Variants in DYNC2LI1 observed in about 807,000 individuals in gnomAD.
DYNC2LI1 encodes the protein cytoplasmic dynein 2 light intermediate chain 1.
DYNC2LI1 carries 45 observed loss-of-function variants against 51.9 expected under a neutral mutation model. That is an observed-to-expected ratio of 0.87 (90% confidence interval 0.68 to 1.11). DYNC2LI1 has a LOEUF of 1.11. DYNC2LI1 is among the 50% of genes most tolerant of loss of function. DYNC2LI1 has a pLI of 0.00. For missense variants in DYNC2LI1, 490 were observed against 417.4 expected, an observed-to-expected ratio of 1.17 and a Z score of -1.51; for synonymous variants, 130 against 137.8, an observed-to-expected ratio of 0.94 and a Z score of 0.40.
chr2:43,803,622 G>A (rs781037486), intron 10 of DYNC2LI1, among the ~76,000 whole-genome samples: 6 of 152,114 alleles, frequency 3.9e-5, no homozygotes, highest in Non-Finnish European at 7.3e-5. Flanking sequence ...TTGGTGTCTC[G>A]ACTGTGGTAG....
chr2:43,828,318 A>C, the DYNC2LI1 span: 8 of 700,120 alleles, frequency 1.1e-5, no homozygotes, highest in East Asian at 1.7e-4. Flanking sequence ...TGTCAGATTT[A>C]AATAAATAAT....
At chr2:43,781,150 T>C (rs891249150) in intron 2 of DYNC2LI1, among the ~76,000 whole-genome samples, 2 of 152,068 alleles carry the variant, frequency 1.3e-5, no homozygotes. Context: ...GAAGATCACT[T>C]GAGGCCAGGA....
At chr2:43,788,922 A>G (rs1409086631) in intron 4 of DYNC2LI1, among the ~76,000 whole-genome samples, 2 of 152,210 alleles carry the variant, frequency 1.3e-5, no homozygotes, top group African/African-American at 4.8e-5. Context: ...GGTGTGAACC[A>G]CTGCACCCAA....
intron 2 of DYNC2LI1, among the ~76,000 whole-genome samples, chr2:43,782,074 A>G (rs940026955): frequency 2.6e-5 from 4 of 151,262 alleles, no homozygotes; most frequent in Non-Finnish European, 4.4e-5. Flanking sequence ...TTAATTGAAA[A>G]CAGAGACATG....
chr2:43,818,271 C>A, the DYNC2LI1 span, among the ~76,000 whole-genome samples: 1 of 151,958 alleles, frequency 6.6e-6, no homozygotes, highest in Non-Finnish European at 1.5e-5. Flanking sequence ...TGGCGAAACC[C>A]CATCTCTACT....
At chr2:43,806,544 A>T (rs1397265151) in intron 12 of DYNC2LI1, among the ~76,000 whole-genome samples, 5 of 152,232 alleles carry the variant, frequency 3.3e-5, no homozygotes, top group Non-Finnish European at 7.3e-5. Context: ...AAATGACCTT[A>T]TGTAACCCTT....
At chr2:43,814,550 A>T (rs1295585629), downstream of DYNC2LI1, 1 of 1,608,452 alleles carries the variant, frequency 6.2e-7, no homozygotes, top group East Asian at 2.2e-5. Flanking sequence ...ATGTAAAATA[A>T]CTGATGATTT....
At chr2:43,775,853 A>ATT in intron 1 of DYNC2LI1, 2 of 96,138 alleles carry the variant, frequency 2.1e-5, no homozygotes, top group Non-Finnish European at 3.7e-5. Context: ...ACACCTGGCC[A>ATT]ATTTTTTTTT....
At chr2:43,820,201 G>T in the DYNC2LI1 span, 1 of 1,419,066 alleles carries the variant, frequency 7.0e-7, no homozygotes, top group South Asian at 1.2e-5. Context: ...TGAGTGGGTG[G>T]GAGAAGTTTG....
In DYNC2LI1 at chr2:43,790,218, A is replaced by G. The variant is rs1673712054; in HGVS notation, c.320+497A>G. On this transcript the variant is annotated intron_variant, in intron 5 of 12. Coordinates refer to ENST00000260605, the MANE Select transcript of DYNC2LI1 (RefSeq NM_016008.4). ...CTCCGTTTGCTGACCTTAGAGAAAT[A>G]GAACTTAGAGGAAAACCTCAAAACG... Among the ~76,000 whole-genome samples the G allele has an allele frequency of 2.6e-5, 4 of 152,380 alleles. No individual in the cohort carries two copies. In the South Asian group the frequency reaches 8.3e-4, roughly 32 times the overall value.
Position 43,787,234 on chromosome 2 carries a change from C to G in DYNC2LI1, c.215C>G (p.Ala72Gly), listed in dbSNP as rs2104680018. The change falls in exon 4 of 13, where the codon GCA becomes GGA. Residue 72 changes from alanine to glycine, a missense_variant. Coordinates refer to ENST00000260605, the MANE Select transcript of DYNC2LI1 (RefSeq NM_016008.4). ...TTGGAATATACATATGGAAGAAGAG[C>G]AAAAGGGCACAACACAGTAAGTGTC... The part of the protein sequence containing the change: ...LALEYTYGRR[A>G]KGHNTPKDIA... 2 of 1,612,808 alleles carry G rather than the reference C, an allele frequency of 1.2e-6. No individual in the cohort carries two copies. The highest frequency in any genetic ancestry group is 1.7e-6 in the Non-Finnish European group (2 of 1,179,200).
the DYNC2LI1 span, among the ~76,000 whole-genome samples, chr2:43,817,126 G>A: frequency 4.6e-5 from 7 of 152,284 alleles, no homozygotes; most frequent in South Asian, 1.4e-3. Flanking sequence ...ATGAAGCCTT[G>A]GGTTGTTAAG....
rs1244746712 is a variant in DYNC2LI1 at position 43,809,963 on chromosome 2, C to T, written c.*196C>T. 8.6e-6 allele frequency: 11 copies of T among 1,285,284 alleles called. No individual in the cohort carries two copies. Among genetic ancestry groups the T allele is most frequent in the South Asian group, 2.3e-5 (1 of 42,982 alleles). 79.6% of individuals were successfully genotyped at this position (1,285,284 alleles called of 1,614,324 possible). ...AAAAGGAAAAATTATTGTAGAACCA[C>T]GTGTAATTTTTTTTAAAATAAAAGA... is the stretch of plus-strand genomic sequence containing the variant. On this transcript the variant is annotated 3_prime_UTR_variant, in exon 13 of 13. Coordinates refer to ENST00000260605, the MANE Select transcript of DYNC2LI1 (RefSeq NM_016008.4).
intron 4 of DYNC2LI1, 25 bp downstream of exon 4, chr2:43,787,275 G>C: frequency 6.4e-7 from 1 of 1,566,742 alleles, no homozygotes; most frequent in Non-Finnish European, 8.8e-7. Context: ...AAGTGACATT[G>C]CTATGCCCAT....
downstream of DYNC2LI1, among the ~76,000 whole-genome samples, chr2:43,811,966 A>T (rs1478603230): frequency 6.6e-6 from 1 of 152,194 alleles, no homozygotes; most frequent in Non-Finnish European, 1.5e-5. Flanking sequence ...CTGTATTTAT[A>T]CATATCAGCA....
chr2:43,817,853 T>G, the DYNC2LI1 span, among the ~76,000 whole-genome samples: 1 of 151,928 alleles, frequency 6.6e-6, no homozygotes, highest in Non-Finnish European at 1.5e-5. Context: ...GAGGTTACAG[T>G]GAGCCGAGAT....
intron 3 of DYNC2LI1, among the ~76,000 whole-genome samples, chr2:43,784,685 C>T (rs920624834): frequency 6.6e-5 from 10 of 152,114 alleles, no homozygotes; most frequent in South Asian, 4.2e-4. Context: ...CCGCCTGCCA[C>T]GGCCTCCCAA....
rs374668170 is a variant in DYNC2LI1, at chr2:43,805,165, G to A, written c.912G>A (p.Thr304=). The change falls in exon 12 of 13, where the codon ACG becomes ACA. Residue 304 remains threonine, a synonymous_variant. Transcript: ENST00000260605. The part of the protein sequence containing the change: ...EKLFPPKSIN[T]LKDIKDPARD... ...ATTTGTAATTTCAGAGTATTAACACGCTGAAAGATATCAAGGACCCTGCGA... is the reference window on the plus strand; with the variant it reads ...ATTTGTAATTTCAGAGTATTAACACACTGAAAGATATCAAGGACCCTGCGA... The A allele has an allele frequency of 1.7e-5, 27 of 1,606,348 alleles. No individual in the cohort carries two copies. The highest frequency in any genetic ancestry group is 5.5e-5 in the South Asian group (5 of 90,350).
intron 8 of DYNC2LI1, among the ~76,000 whole-genome samples, chr2:43,799,770 T>A (rs1666015202): frequency 6.6e-6 from 1 of 152,216 alleles, no homozygotes. Context: ...GGTTTTTCCT[T>A]TCTCATAAAG....
Sources: gnomAD v4.1 joint callset for allele counts (sites outside exome capture counted in the v4.1 genomes callset) on GRCh38, gnomAD v4.1.1 for gene constraint, MANE v1.5 for transcripts, NCBI Gene and HGNC (gene_info 2026-07-23, HGNC 2026-07-21) for gene names.